Variants in SAMMSON observed in about 807,000 individuals in gnomAD.
SAMMSON encodes the protein long intergenic non-protein coding RNA 1212.
intron 4 of SAMMSON, among the ~76,000 whole-genome samples, chr3:70,102,001 G>C (rs904266264): frequency 6.6e-6 from 1 of 152,108 alleles, no homozygotes; most frequent in Non-Finnish European, 1.5e-5. Context: ...ATATCCACTA[G>C]TTTCTGTCTT....
chr3:70,133,519 T>C lies in SAMMSON; in HGVS notation n.507+61954T>C, dbSNP rs77723410. On this transcript the variant is annotated intron_variant and non_coding_transcript_variant, in intron 4 of 9. Coordinates refer to ENST00000642114, the Ensembl canonical transcript of SAMMSON. ...TTCAATGAGCTATTCTGACAAATGA[T>C]TGAGCCCAAAGGGAGGTTATGGGAG... 8.8e-3 allele frequency among the ~76,000 whole-genome samples: 1,339 copies of C among 152,244 alleles called. 52 individuals carry two copies. In the East Asian group the frequency reaches 0.11, roughly 12 times the overall value.
intron 4 of SAMMSON, among the ~76,000 whole-genome samples, chr3:70,149,148 C>T (rs2067561556): frequency 6.6e-6 from 1 of 152,058 alleles, no homozygotes; most frequent in South Asian, 2.1e-4. Flanking sequence ...AAAAGAGTGA[C>T]TCCCAGTTTA....
intron 4 of SAMMSON, among the ~76,000 whole-genome samples, chr3:70,148,089 T>C (rs934876313): frequency 6.6e-6 from 1 of 152,120 alleles, no homozygotes; most frequent in Non-Finnish European, 1.5e-5. Context: ...CAGATGCCAC[T>C]ATACATTTTT....
chr3:70,176,640 C>A (rs1051128947), intron 4 of SAMMSON, among the ~76,000 whole-genome samples: 2 of 152,050 alleles, frequency 1.3e-5, no homozygotes, highest in African/African-American at 4.8e-5. Flanking sequence ...CTTTTTCTAC[C>A]AGAAAACAAA....
intron 4 of SAMMSON, among the ~76,000 whole-genome samples, chr3:70,073,456 C>G (rs2067237446): frequency 6.6e-6 from 1 of 151,998 alleles, no homozygotes; most frequent in African/African-American, 2.4e-5. Flanking sequence ...TTCCTGCCCC[C>G]ATGGAGCTTA....
At chr3:70,346,098 G>A (rs1237394356) in intron 7 of SAMMSON, among the ~76,000 whole-genome samples, 1 of 151,926 alleles carries the variant, frequency 6.6e-6, no homozygotes, top group Non-Finnish European at 1.5e-5. Flanking sequence ...GTTCCCACTA[G>A]GACTGAAGAA....
At chr3:70,418,910 T>C (rs1462091537) in intron 2 of SAMMSON, among the ~76,000 whole-genome samples, 1 of 118,980 alleles carries the variant, frequency 8.4e-6, no homozygotes, top group Admixed American at 9.0e-5. Flanking sequence ...AAGGGTTTGA[T>C]GTTTGCTTTC....
At chr3:70,313,831 A>T (rs995048945) in intron 7 of SAMMSON, among the ~76,000 whole-genome samples, 2 of 152,146 alleles carry the variant, frequency 1.3e-5, no homozygotes, top group African/African-American at 4.8e-5. Context: ...TTAATAAGAT[A>T]AATTTCAGAT....
intron 2 of SAMMSON, among the ~76,000 whole-genome samples, chr3:70,013,151 G>T (rs536185771): frequency 6.6e-6 from 1 of 151,918 alleles, no homozygotes; most frequent in South Asian, 2.1e-4. Flanking sequence ...TAGTAAATGT[G>T]ATGATGATGA....
At chr3:70,362,908 T>C (rs1356927147) in intron 9 of SAMMSON, among the ~76,000 whole-genome samples, 1 of 151,552 alleles carries the variant, frequency 6.6e-6, no homozygotes, top group Non-Finnish European at 1.5e-5. Flanking sequence ...ATGGAGTTTA[T>C]CAGGCTCATG....
chr3:70,152,581 G>A (rs2106687994), intron 4 of SAMMSON, among the ~76,000 whole-genome samples: 1 of 152,018 alleles, frequency 6.6e-6, no homozygotes, highest in Non-Finnish European at 1.5e-5. Context: ...AACCCTCTCT[G>A]TCACCATCAC....
In SAMMSON at chr3:70,388,760, G is replaced by A. The variant is rs1366397961; in HGVS notation, n.914-814G>A. ...CCTTGAATCATGTAGGAATGCCTGA[G>A]GAAATAGCAGAGATATCAGTGCTAA... On this transcript the variant is annotated intron_variant and non_coding_transcript_variant, in intron 9 of 9. Coordinates refer to ENST00000642114, the Ensembl canonical transcript of SAMMSON. 2.0e-5 allele frequency among the ~76,000 whole-genome samples: 3 copies of A among 152,112 alleles called. No individual in the cohort carries two copies. In the East Asian group the frequency reaches 5.8e-4, roughly 29 times the overall value.
At chr3:70,288,020 C>T (rs1255585729) in intron 6 of SAMMSON, among the ~76,000 whole-genome samples, 2 of 151,768 alleles carry the variant, frequency 1.3e-5, no homozygotes, top group African/African-American at 4.8e-5. Flanking sequence ...CTCCTGGATT[C>T]ATTAATTTTT....
chr3:70,099,983 A>G (rs2067336508), intron 4 of SAMMSON, among the ~76,000 whole-genome samples: 1 of 152,140 alleles, frequency 6.6e-6, no homozygotes, highest in Non-Finnish European at 1.5e-5. Flanking sequence ...AACTTCACAT[A>G]TGGCTTTGGT....
chr3:70,028,646 T>C (rs1487215235), intron 3 of SAMMSON, among the ~76,000 whole-genome samples: 2 of 152,196 alleles, frequency 1.3e-5, no homozygotes, highest in Admixed American at 6.5e-5. Flanking sequence ...AAGACATTCC[T>C]TTGGGCTGTG....
intron 7 of SAMMSON, among the ~76,000 whole-genome samples, chr3:70,308,013 C>T (rs1156990888): frequency 6.6e-6 from 1 of 152,092 alleles, no homozygotes; most frequent in Non-Finnish European, 1.5e-5. Context: ...ACCACCTTGG[C>T]CCACAGTTTG....
At chr3:70,081,398 C>T (rs1239873702) in intron 4 of SAMMSON, among the ~76,000 whole-genome samples, 2 of 152,230 alleles carry the variant, frequency 1.3e-5, no homozygotes, top group Admixed American at 6.5e-5. Context: ...CAGGCGTGAG[C>T]CACCGCGCCC....
chr3:70,315,831 C>T lies in SAMMSON; in HGVS notation n.739+24588C>T, dbSNP rs928744990. Among the ~76,000 whole-genome samples, 125 of 151,972 alleles carry T rather than the reference C, an allele frequency of 8.2e-4. 1 individual carries two copies. Among genetic ancestry groups the T allele is most frequent in the African/African-American group, 3.0e-3 (123 of 41,482 alleles). ...CAACCAAACGCTCAAAAGTGACAAG[C>T]CAGCCTAGGACATCAGGCAAATCTG... is the stretch of plus-strand genomic sequence containing the variant. On this transcript the variant is annotated intron_variant and non_coding_transcript_variant, in intron 7 of 9. Transcript: ENST00000642114.
intron 9 of SAMMSON, among the ~76,000 whole-genome samples, chr3:70,389,154 C>T (rs114302938): frequency 0.013 from 1,911 of 152,124 alleles, 41 homozygotes; most frequent in African/African-American, 0.043. Flanking sequence ...ATGCAGCTGC[C>T]CAACCTTGAA....
Sources: gnomAD v4.1 joint callset for allele counts (sites outside exome capture counted in the v4.1 genomes callset) on GRCh38, gnomAD v4.1.1 for gene constraint, MANE v1.5 for transcripts, NCBI Gene and HGNC (gene_info 2026-07-23, HGNC 2026-07-21) for gene names.